Variants in MED13L observed in about 807,000 individuals in gnomAD.
MED13L encodes the protein mediator of RNA polymerase II transcription subunit 13-like.
In MED13L, 7 loss-of-function variants were observed where a neutral mutation model predicts 220.9. The observed-to-expected ratio is 0.03, with a 90% CI of 0.02 to 0.06. The LOEUF (loss-of-function observed/expected upper bound fraction) is 0.06, where lower values mean the gene tolerates loss of function less well. Among genes scored for constraint, MED13L ranks in the 10% least tolerant of loss-of-function variants. The probability of loss-of-function intolerance (pLI) is 1.00; values close to 1 mark genes in which losing one functional copy is unlikely to be tolerated. For synonymous variants in MED13L, 1,011 were observed against 1,015.2 expected, an observed-to-expected ratio of 1.00 and a Z score of 0.08; for missense variants, 1,965 against 2,760.5, an observed-to-expected ratio of 0.71 and a Z score of 6.46.
chr12:116,141,418 C>T (rs907073764), intron 2 of MED13L, among the ~76,000 whole-genome samples: 4 of 151,996 alleles, frequency 2.6e-5, no homozygotes, highest in Admixed American at 6.6e-5. Context: ...ATATACAAAA[C>T]GAACTGAAAA....
intron 2 of MED13L, among the ~76,000 whole-genome samples, chr12:116,217,059 G>T (rs771541958): frequency 6.6e-6 from 1 of 152,132 alleles, no homozygotes; most frequent in African/African-American, 2.4e-5. Flanking sequence ...GATAATTTGG[G>T]AAGTCTTTCC....
At chr12:115,971,857 C>T (rs1199856883) in intron 26 of MED13L, among the ~76,000 whole-genome samples, 1 of 152,120 alleles carries the variant, frequency 6.6e-6, no homozygotes, top group Non-Finnish European at 1.5e-5. Context: ...CAATGATATT[C>T]AGAACTTAGT....
intron 2 of MED13L, among the ~76,000 whole-genome samples, chr12:116,169,953 G>A (rs1000844825): frequency 2.6e-5 from 4 of 152,192 alleles, no homozygotes; most frequent in African/African-American, 9.6e-5. Context: ...GTAGTTCAAA[G>A]CTGCGGTGGG....
At chr12:116,062,144 G>A (rs890241275) in intron 4 of MED13L, among the ~76,000 whole-genome samples, 20 of 151,774 alleles carry the variant, frequency 1.3e-4, no homozygotes, top group African/African-American at 4.8e-4. Flanking sequence ...GGTGGTGCAT[G>A]CCTGTAGTGC....
At position 115,960,066 on chromosome 12, in the gene MED13L, T is replaced by C. The variant is rs1036194570; in HGVS notation, c.*1200A>G. ...AGTCATAAAATACTTCAATTAGCCA[T>C]TAATGCTTTAAAAAGGCATTTTTTT... On this transcript the variant is annotated 3_prime_UTR_variant, in exon 31 of 31. Coordinates refer to ENST00000281928, the MANE Select transcript of MED13L (RefSeq NM_015335.5). The C allele has an allele frequency of 6.6e-6, 1 of 152,618 alleles. No homozygotes were observed. Among genetic ancestry groups the C allele is most frequent in the Non-Finnish European group, 1.5e-5 (1 of 68,024 alleles). 9.5% of individuals were successfully genotyped at this position (152,618 alleles called of 1,614,324 possible).
intron 3 of MED13L, among the ~76,000 whole-genome samples, chr12:116,105,666 T>C (rs762905807): frequency 6.6e-6 from 1 of 152,180 alleles, no homozygotes; most frequent in Non-Finnish European, 1.5e-5. Flanking sequence ...GTAACATAAC[T>C]GGCCAGCTGT....
intron 4 of MED13L, among the ~76,000 whole-genome samples, chr12:116,091,220 T>C (rs563215635): frequency 1.3e-5 from 2 of 152,142 alleles, no homozygotes; most frequent in South Asian, 4.1e-4. Context: ...TAAGGTATTT[T>C]CAATCCTTCT....
intron 4 of MED13L, among the ~76,000 whole-genome samples, chr12:116,024,244 A>C (rs1193572457): frequency 6.6e-6 from 1 of 152,170 alleles, no homozygotes; most frequent in East Asian, 1.9e-4. Flanking sequence ...GTGACACTGA[A>C]GAAAACACAG....
chr12:116,138,919 G>A (rs773761832), intron 2 of MED13L, among the ~76,000 whole-genome samples: 3 of 152,164 alleles, frequency 2.0e-5, no homozygotes, highest in African/African-American at 7.2e-5. Context: ...CCTCCCTTAA[G>A]TGCCTATTTG....
chr12:116,126,237 C>T (rs1158145258), intron 2 of MED13L, among the ~76,000 whole-genome samples: 3 of 152,250 alleles, frequency 2.0e-5, no homozygotes, highest in Middle Eastern at 3.4e-3. Flanking sequence ...AACTGCAAGT[C>T]CTTTAGGAAA....
chr12:116,194,136 A>C (rs1439805091), intron 2 of MED13L, among the ~76,000 whole-genome samples: 1 of 152,134 alleles, frequency 6.6e-6, no homozygotes, highest in Non-Finnish European at 1.5e-5. Flanking sequence ...CAAAAAACAA[A>C]AAAATAACCC....
At chr12:115,997,930 AC>A (rs1878508969) in intron 14 of MED13L, among the ~76,000 whole-genome samples, 1 of 152,234 alleles carries the variant, frequency 6.6e-6, no homozygotes, top group African/African-American at 2.4e-5. Flanking sequence ...ATAAAATATT[AC>A]AAAAAATAAA....
At chr12:115,990,839 T>C (rs766138831) in intron 17 of MED13L, among the ~76,000 whole-genome samples, 181 bp downstream of exon 17, 14 of 152,324 alleles carry the variant, frequency 9.2e-5, no homozygotes, top group South Asian at 6.2e-4. Flanking sequence ...CATTTCAATA[T>C]AAAACATTCT....
chr12:116,085,252 A>C (rs1188889385), intron 4 of MED13L, among the ~76,000 whole-genome samples: 1 of 152,162 alleles, frequency 6.6e-6, no homozygotes, highest in Non-Finnish European at 1.5e-5. Context: ...CTTTCTATTA[A>C]AAAATACTCA....
At chr12:116,214,550 C>T (rs1027152216) in intron 2 of MED13L, among the ~76,000 whole-genome samples, 7 of 152,054 alleles carry the variant, frequency 4.6e-5, no homozygotes, top group Admixed American at 4.6e-4. Context: ...ATATATCATC[C>T]TAAATTTGGA....
chr12:116,025,644 T>A lies in MED13L; in HGVS notation c.480-3043A>T, dbSNP rs1207684144. ...CAGACACATAAAGACAAATACCACA[T>A]GATCTCACTCACATGTGGAATCTAA... On this transcript the variant is annotated intron_variant, in intron 4 of 30. Coordinates refer to ENST00000281928, the MANE Select transcript of MED13L (RefSeq NM_015335.5). Among the ~76,000 whole-genome samples the A allele has an allele frequency of 2.6e-5, 4 of 152,168 alleles. No individual in the cohort carries two copies. The South Asian group carries it at 8.3e-4, about 32-fold the overall frequency.
intron 2 of MED13L, among the ~76,000 whole-genome samples, chr12:116,116,987 CACAAA>C (rs1050045056): frequency 6.6e-6 from 1 of 151,320 alleles, no homozygotes; most frequent in Non-Finnish European, 1.5e-5. Context: ...ACTCTCACAA[CACAAA>C]ACAAACTACA....
intron 2 of MED13L, among the ~76,000 whole-genome samples, chr12:116,227,809 C>T (rs1306921917): frequency 1.3e-5 from 2 of 152,100 alleles, no homozygotes; most frequent in Non-Finnish European, 2.9e-5. Context: ...CCATCTCTTA[C>T]TTTATATCAA....
intron 1 of MED13L, among the ~76,000 whole-genome samples, chr12:116,238,956 G>A (rs949065923): frequency 2.6e-5 from 4 of 152,074 alleles, no homozygotes; most frequent in Admixed American, 1.3e-4. Context: ...TTAGCCGGGC[G>A]TGGTGGCGTG....
Sources: gnomAD v4.1 joint callset for allele counts (sites outside exome capture counted in the v4.1 genomes callset) on GRCh38, gnomAD v4.1.1 for gene constraint, MANE v1.5 for transcripts, NCBI Gene and HGNC (gene_info 2026-07-23, HGNC 2026-07-21) for gene names.